The following SEL1L3 variants were observed in gnomAD, a reference collection of about 807,000 sequenced individuals.
SEL1L3 encodes the protein protein sel-1 homolog 3.
SEL1L3 carries 76 observed loss-of-function variants against 142.8 expected under a neutral mutation model. The ratio of observed to expected loss-of-function variants is 0.53; its 90% CI spans 0.44 to 0.64. The LOEUF is 0.64. SEL1L3 is among the 30% of genes least tolerant of loss of function. The pLI, the probability that SEL1L3 is intolerant of heterozygous loss-of-function variation, is 0.00. For synonymous variants in SEL1L3, 504 were observed against 519.6 expected, an observed-to-expected ratio of 0.97 and a Z score of 0.41; for missense variants, 1,262 against 1,381.7, an observed-to-expected ratio of 0.91 and a Z score of 1.37.
the SEL1L3 span, among the ~76,000 whole-genome samples, chr4:25,721,409 T>C: frequency 6.6e-6 from 1 of 151,972 alleles, no homozygotes; most frequent in Non-Finnish European, 1.5e-5. Flanking sequence ...TTTGTTTTCA[T>C]GTAATCTGCC....
chr4:25,788,083 A>C lies in SEL1L3; in HGVS notation c.2217+141T>G. On this transcript the variant is annotated intron_variant, in intron 13 of 23. Coordinates refer to ENST00000399878, the MANE Select transcript of SEL1L3 (RefSeq NM_015187.5). This position sits in a 1 kb window ranked among gnomAD's most constrained non-coding sequence, Gnocchi z 5.3. ...TTCTGACTCTGCCTTTTTAGCCAAC[A>C]TTCTTTTCCATCAAGAGTGACAGAA... The C allele has an allele frequency of 1.2e-6, 1 of 807,590 alleles. No individual in the cohort carries two copies. Among genetic ancestry groups the C allele is most frequent in the South Asian group, 1.7e-5 (1 of 59,770 alleles). The allele number at this position is 807,590 out of a possible 1,614,324, so 50.0% of individuals were successfully genotyped here.
intron 1 of SEL1L3, among the ~76,000 whole-genome samples, chr4:25,859,441 G>A (rs2109329164): frequency 6.6e-6 from 1 of 152,264 alleles, no homozygotes; most frequent in Admixed American, 6.5e-5. Context: ...TACAGACACA[G>A]TACTCTTTTT....
chr4:25,757,065 C>A (rs1378469916), intron 23 of SEL1L3, among the ~76,000 whole-genome samples: 1 of 152,048 alleles, frequency 6.6e-6, no homozygotes, highest in Non-Finnish European at 1.5e-5. Flanking sequence ...GTCAGGAATT[C>A]GAGACCAGCC....
chr4:25,859,196 G>A (rs895342350), intron 1 of SEL1L3, among the ~76,000 whole-genome samples: 21 of 152,206 alleles, frequency 1.4e-4, no homozygotes, highest in African/African-American at 4.8e-4. Context: ...AAAGTTCTGC[G>A]TGGGGCACAG....
chr4:25,752,457 A>G (rs1315248151), intron 23 of SEL1L3, among the ~76,000 whole-genome samples: 1 of 151,196 alleles, frequency 6.6e-6, no homozygotes, highest in Non-Finnish European at 1.5e-5. Flanking sequence ...TTTTAGAAAG[A>G]GTCCTAACAG....
chr4:25,863,161 C>T (rs1717867522), upstream of SEL1L3, among the ~76,000 whole-genome samples: 1 of 139,758 alleles, frequency 7.2e-6, no homozygotes, highest in Non-Finnish European at 1.6e-5. Flanking sequence ...CGCAGGTGGG[C>T]ACCGACCCGG....
chr4:25,789,109 G>A (rs1712087871), intron 12 of SEL1L3, among the ~76,000 whole-genome samples: 1 of 152,146 alleles, frequency 6.6e-6, no homozygotes, highest in Admixed American at 6.5e-5. Flanking sequence ...GCCCAGGAAC[G>A]TGGCCAGAGC....
chr4:25,842,992 C>G (rs553804117), intron 2 of SEL1L3, among the ~76,000 whole-genome samples: 96 of 152,180 alleles, frequency 6.3e-4, no homozygotes, highest in African/African-American at 2.0e-3. Context: ...AAGGAAGTGG[C>G]CATGTGGTGA....
At chr4:25,801,417 A>G (rs2109218389) in intron 11 of SEL1L3, among the ~76,000 whole-genome samples, 1 of 152,204 alleles carries the variant, frequency 6.6e-6, no homozygotes, top group African/African-American at 2.4e-5. Flanking sequence ...AAAACCAACA[A>G]CTTATAAGAA....
intron 16 of SEL1L3, chr4:25,777,538 G>A (rs6821377): frequency 1 from 250,487 of 250,490 alleles, 125,242 homozygotes; most frequent in Middle Eastern, 1. Context: ...TTCAGAAAGT[G>A]CACTCTTTTC....
chr4:25,831,229 T>TA (rs1715416227), intron 5 of SEL1L3, among the ~76,000 whole-genome samples: 1 of 152,172 alleles, frequency 6.6e-6, no homozygotes, highest in Non-Finnish European at 1.5e-5. Flanking sequence ...AACTCCCTGA[T>TA]ATCCAAGATT....
chr4:25,853,625 A>G (rs1376630614), intron 1 of SEL1L3, among the ~76,000 whole-genome samples: 2 of 152,024 alleles, frequency 1.3e-5, no homozygotes, highest in Admixed American at 1.3e-4. Context: ...ACTGAGTTAA[A>G]TAAAATACAT....
intron 2 of SEL1L3, among the ~76,000 whole-genome samples, chr4:25,842,256 A>C (rs1041204835): frequency 2.1e-4 from 32 of 151,632 alleles, no homozygotes; most frequent in African/African-American, 7.8e-4. Flanking sequence ...AAAAAAAAAA[A>C]AACTCAACAA....
At chr4:25,761,538 C>T (rs963304628) in intron 20 of SEL1L3, among the ~76,000 whole-genome samples, 3 of 151,992 alleles carry the variant, frequency 2.0e-5, no homozygotes, top group East Asian at 3.9e-4. Flanking sequence ...GGGGAATAGT[C>T]GTATGCAATG....
At chr4:25,818,374 T>C in intron 8 of SEL1L3, 96 bp from the exon 9 acceptor site, 1 of 1,081,954 alleles carries the variant, frequency 9.2e-7, no homozygotes. Context: ...CTAGAAAGAC[T>C]TGCCATTACT....
In SEL1L3 at chr4:25,748,114, C is replaced by T. The variant is rs1432812059; in HGVS notation, c.*311G>A. The T allele has an allele frequency of 3.6e-5, 11 of 307,966 alleles. No individual in the cohort carries two copies. Among genetic ancestry groups the T allele is most frequent in the South Asian group, 1.4e-4 (3 of 20,976 alleles). The allele number at this position is 307,966 out of a possible 1,614,324, so 19.1% of individuals were successfully genotyped here. ...TTAGTGTATAAGAATCCAGATCTGC[C>T]GTAGGGCATGCTATGACTCCTAATA... On this transcript the variant is annotated 3_prime_UTR_variant, in exon 24 of 24. Coordinates refer to ENST00000399878, the MANE Select transcript of SEL1L3 (RefSeq NM_015187.5).
chr4:25,743,686 G>C (rs1717180663), downstream of SEL1L3, among the ~76,000 whole-genome samples: 1 of 152,186 alleles, frequency 6.6e-6, no homozygotes, highest in Non-Finnish European at 1.5e-5. Context: ...TTCCAAAGGA[G>C]CCAATCAGAT....
intron 9 of SEL1L3, among the ~76,000 whole-genome samples, chr4:25,806,090 G>C (rs952617872): frequency 2.0e-5 from 3 of 148,424 alleles, no homozygotes; most frequent in Non-Finnish European, 4.4e-5. Flanking sequence ...CCAGGCTGGA[G>C]TGCAGTGGCG....
At chr4:25,814,197 C>A (rs185148342) in intron 9 of SEL1L3, among the ~76,000 whole-genome samples, 31 of 152,150 alleles carry the variant, frequency 2.0e-4, no homozygotes, top group African/African-American at 7.5e-4. Flanking sequence ...AAAAAATCCA[C>A]AAATTAATGC....
Sources: allele counts gnomAD v4.1 joint callset (sites outside exome capture counted in the v4.1 genomes callset), GRCh38; gene constraint gnomAD v4.1.1; non-coding constraint Gnocchi (gnomAD v3.1); transcripts MANE v1.5; gene names NCBI Gene and HGNC (gene_info 2026-07-23, HGNC 2026-07-21).